ITIH5: variants seen among roughly 807,000 people sequenced by gnomAD.
ITIH5 encodes the protein inter-alpha-trypsin inhibitor heavy chain 5, also known as inter-alpha-trypsin inhibitor heavy chain H5.
ITIH5 carries 65 observed loss-of-function variants against 77.5 expected under a neutral mutation model. The ratio of observed to expected loss-of-function variants is 0.84; its 90% CI spans 0.69 to 1.03. The LOEUF is 1.03. Among genes scored for constraint, ITIH5 ranks in the 50% least tolerant of loss-of-function variants. ITIH5 has a pLI of 0.00. For synonymous variants in ITIH5, 525 were observed against 494.3 expected, an observed-to-expected ratio of 1.06 and a Z score of -0.82; for missense variants, 1,208 against 1,213.1, an observed-to-expected ratio of 1.00 and a Z score of 0.06.
intron 7 of ITIH5, among the ~76,000 whole-genome samples, chr10:7,598,494 C>A (rs889634408): frequency 6.6e-6 from 1 of 152,144 alleles, no homozygotes; most frequent in African/African-American, 2.4e-5. Flanking sequence ...TTTTCATTCA[C>A]ATTGCCAAGA....
At chr10:7,584,427 C>G (rs961010231) in intron 8 of ITIH5, among the ~76,000 whole-genome samples, 3 of 151,814 alleles carry the variant, frequency 2.0e-5, no homozygotes, top group Admixed American at 1.3e-4. Flanking sequence ...CCTCAGCCTC[C>G]CAAGTAGCTG....
intron 13 of ITIH5, 151 bp downstream of exon 13, chr10:7,565,879 T>C (rs888698886): frequency 3.3e-5 from 29 of 880,452 alleles, no homozygotes; most frequent in Non-Finnish European, 4.4e-5. Context: ...CACACACACA[T>C]ACATACATAC....
At chr10:7,582,851 G>A (rs981993218) in intron 8 of ITIH5, among the ~76,000 whole-genome samples, 1 of 152,154 alleles carries the variant, frequency 6.6e-6, no homozygotes, top group Non-Finnish European at 1.5e-5. Flanking sequence ...CAGGGTAGTG[G>A]GGGGTGGGGC....
chr10:7,579,657 G>T, intron 9 of ITIH5, 98 bp downstream of exon 9: 1 of 1,234,778 alleles, frequency 8.1e-7, no homozygotes, highest in South Asian at 1.3e-5. Flanking sequence ...GCAGATGCAA[G>T]GCTGGGGTGC....
At position 7,637,466 on chromosome 10, in the gene ITIH5, A is replaced by C. The variant is rs755951567; in HGVS notation, c.414T>G (p.Thr138=). The change falls in exon 5 of 14, where the codon ACT becomes ACG. Residue 138 remains threonine, a synonymous_variant. Transcript: ENST00000397146. ...KTTEENGEKG[T]EIFRASAVIP... Reference sequence around the variant, plus strand: ...TCACTGCAGAAGCTCTGAATATTTCAGTCCCCTTCTCTCTGTCAGGAAAAA... The same window carrying C: ...TCACTGCAGAAGCTCTGAATATTTCCGTCCCCTTCTCTCTGTCAGGAAAAA... 5.0e-6 allele frequency: 8 copies of C among 1,613,906 alleles called. No individual in the cohort carries two copies. In the Admixed American group the frequency reaches 1.0e-4, roughly 20 times the overall value.
rs1269350732 is a variant in ITIH5, at chr10:7,642,205, G to A, written c.136-115C>T. Reference sequence around the variant, plus strand: ...ATAATCTTCAGTTTGGGAGCCTTTGGCATGTGATTCCAATTTCCTTTCTTC... The same window carrying A: ...ATAATCTTCAGTTTGGGAGCCTTTGACATGTGATTCCAATTTCCTTTCTTC... On this transcript the variant is annotated intron_variant, in intron 2 of 13. Coordinates refer to ENST00000397146, the MANE Select transcript of ITIH5 (RefSeq NM_030569.7). 3 of 771,518 alleles carry A rather than the reference G, an allele frequency of 3.9e-6. No individual in the cohort carries two copies. The Admixed American group carries it at 8.6e-5, about 22-fold the overall frequency. The allele number at this position is 771,518 out of a possible 1,614,324, so 47.8% of individuals were successfully genotyped here. A position where few individuals can be genotyped will look rare whatever the true frequency, so the allele number is the denominator to read the frequency against.
intron 11 of ITIH5, chr10:7,572,313 G>C (rs1024904438): frequency 2.2e-6 from 3 of 1,367,000 alleles, no homozygotes; most frequent in East Asian, 4.5e-5. Flanking sequence ...TCTTTCCTCT[G>C]AATTTTTATT....
intron 7 of ITIH5, among the ~76,000 whole-genome samples, chr10:7,596,213 T>C (rs1832893952): frequency 6.6e-6 from 1 of 152,128 alleles, no homozygotes; most frequent in African/African-American, 2.4e-5. Flanking sequence ...TCCTTTCTCT[T>C]CCGCTCCCTC....
intron 5 of ITIH5, chr10:7,618,032 A>G (rs1833403759): frequency 6.6e-6 from 1 of 151,734 alleles, no homozygotes; most frequent in African/African-American, 2.4e-5. Flanking sequence ...CCCAGAGCGC[A>G]ATGGTGCAAT....
chr10:7,596,164 C>T (rs1009777665), intron 7 of ITIH5, among the ~76,000 whole-genome samples: 1 of 152,132 alleles, frequency 6.6e-6, no homozygotes, highest in Non-Finnish European at 1.5e-5. Context: ...ACACCACAGG[C>T]CCTGCATGAA....
At chr10:7,584,502 G>A (rs1023339278) in intron 8 of ITIH5, among the ~76,000 whole-genome samples, 13 of 151,516 alleles carry the variant, frequency 8.6e-5, no homozygotes, top group South Asian at 2.1e-4. Context: ...ATGGGGTTTC[G>A]CCATGTTGGC....
intron 5 of ITIH5, among the ~76,000 whole-genome samples, chr10:7,633,683 C>G (rs1833748239): frequency 6.6e-6 from 1 of 151,680 alleles, no homozygotes; most frequent in Non-Finnish European, 1.5e-5. Context: ...AAAAAAAAAG[C>G]TAAGAGGGTT....
chr10:7,610,257 G>A (rs1445240118), intron 7 of ITIH5, among the ~76,000 whole-genome samples: 1 of 151,990 alleles, frequency 6.6e-6, no homozygotes, highest in Non-Finnish European at 1.5e-5. Flanking sequence ...CTCTGTTGCT[G>A]TTCCCAAGCC....
intron 1 of ITIH5, among the ~76,000 whole-genome samples, chr10:7,658,427 A>G (rs553220995): frequency 6.2e-4 from 95 of 152,354 alleles, no homozygotes; most frequent in African/African-American, 2.2e-3. Flanking sequence ...CCTGACTCCA[A>G]GTAAGAACCT....
chr10:7,591,622 C>T (rs1192629584), intron 7 of ITIH5, among the ~76,000 whole-genome samples: 1 of 152,148 alleles, frequency 6.6e-6, no homozygotes, highest in Admixed American at 6.5e-5. Context: ...AGCTCCCTTC[C>T]TCTTCCTCTC....
chr10:7,647,545 G>T (rs948138804), intron 2 of ITIH5, among the ~76,000 whole-genome samples: 2 of 151,266 alleles, frequency 1.3e-5, no homozygotes, highest in Admixed American at 1.3e-4. Context: ...CTAAGCCACT[G>T]AATTTTGTGG....
intron 7 of ITIH5, among the ~76,000 whole-genome samples, chr10:7,596,165 C>G (rs1336905414): frequency 6.6e-6 from 1 of 152,154 alleles, no homozygotes; most frequent in African/African-American, 2.4e-5. Context: ...CACCACAGGC[C>G]CTGCATGAAG....
rs1832672932 is a variant in ITIH5, at chr10:7,586,085, A to C, written c.940-16T>G. On this transcript the variant is annotated splice_polypyrimidine_tract_variant and intron_variant, in intron 7 of 13. Coordinates refer to ENST00000397146, the MANE Select transcript of ITIH5 (RefSeq NM_030569.7). ...CATCCTTGGTCTAGGCAAACACAAA[A>C]GCAAAACCAGTCACAGCTGCTCACA... The C allele has an allele frequency of 6.2e-7, 1 of 1,607,958 alleles. No individual in the cohort carries two copies. The highest frequency in any genetic ancestry group is 1.3e-5 in the African/African-American group (1 of 74,718).
rs561221292 is a variant in ITIH5, at chr10:7,600,872, A to G, written c.940-14803T>C. Among the ~76,000 whole-genome samples, 18 of 152,308 alleles carry G rather than the reference A, an allele frequency of 1.2e-4. No homozygotes were observed. The South Asian group carries it at 3.3e-3, about 28-fold the overall frequency. ...GAGGACATGCGGAGAACTTGCATCT[A>G]TGACCCAGAAGGTGGGCCCTCCCCA... On this transcript the variant is annotated intron_variant, in intron 7 of 13. Coordinates refer to ENST00000397146, the MANE Select transcript of ITIH5 (RefSeq NM_030569.7).
Sources: allele counts gnomAD v4.1 joint callset (sites outside exome capture counted in the v4.1 genomes callset), GRCh38; gene constraint gnomAD v4.1.1; transcripts MANE v1.5; gene names NCBI Gene and HGNC (gene_info 2026-07-23, HGNC 2026-07-21).